Variants in TRPM7 observed in about 807,000 individuals in gnomAD.
TRPM7 encodes the protein transient receptor potential cation channel subfamily M member 7, also known as LTRPC ion channel family member 7.
In TRPM7, 134 loss-of-function variants were observed where a neutral mutation model predicts 229.7. The ratio of observed to expected loss-of-function variants is 0.58; its 90% CI spans 0.51 to 0.67. The LOEUF is 0.67. TRPM7 is among the 30% of genes least tolerant of loss of function. The pLI, the probability that TRPM7 is intolerant of heterozygous loss-of-function variation, is 0.00. For missense variants in TRPM7, 1,901 were observed against 2,210.0 expected, an observed-to-expected ratio of 0.86 and a Z score of 2.80; for synonymous variants, 699 against 715.2, an observed-to-expected ratio of 0.98 and a Z score of 0.36.
chr15:50,644,535 G>C (rs1353031194), intron 4 of TRPM7, among the ~76,000 whole-genome samples: 1 of 152,190 alleles, frequency 6.6e-6, no homozygotes, highest in Admixed American at 6.5e-5. Context: ...AGGCACAGTG[G>C]CTCACGCCTG....
In TRPM7 at chr15:50,561,548, G is replaced by A; in HGVS notation, c.*130C>T. On this transcript the variant is annotated 3_prime_UTR_variant, in exon 39 of 39. Coordinates refer to ENST00000646667, the MANE Select transcript of TRPM7 (RefSeq NM_017672.6). ...TCAAAAGAATATTGACCTTTTAACT[G>A]TGCTGGAGTCAGCAAATTCAACTTG... 1 of 998,572 alleles carries A rather than the reference G, an allele frequency of 1.0e-6. No individual in the cohort carries two copies. The highest frequency in any genetic ancestry group is 1.5e-6 in the Non-Finnish European group (1 of 673,694). The allele number at this position is 998,572 out of a possible 1,614,324, so 61.9% of individuals were successfully genotyped here.
chr15:50,627,543 T>C (rs1460088910), intron 11 of TRPM7, among the ~76,000 whole-genome samples: 1 of 152,206 alleles, frequency 6.6e-6, no homozygotes, highest in African/African-American at 2.4e-5. Flanking sequence ...TAGTAGCATG[T>C]AAGGCTCTGG....
intron 27 of TRPM7, among the ~76,000 whole-genome samples, chr15:50,587,143 G>A (rs2059364544): frequency 6.6e-6 from 1 of 152,152 alleles, no homozygotes; most frequent in African/African-American, 2.4e-5. Context: ...TATCTTACAT[G>A]TATCTTGACA....
In TRPM7 at chr15:50,655,120, GA is replaced by G. The variant is rs566929042; in HGVS notation, c.122+2660del. On this transcript the variant is annotated intron_variant, in intron 3 of 38. Coordinates refer to ENST00000646667, the MANE Select transcript of TRPM7 (RefSeq NM_017672.6). ...GAAATTATTCAATACATCAGATAAA[GA>G]AAAAAAAGTTAATTAAAAAAAAAAA... Among the ~76,000 whole-genome samples, 103 of 128,568 alleles carry G rather than the reference GA, an allele frequency of 8.0e-4. 1 individual carries two copies. The highest frequency in any genetic ancestry group is 2.5e-3 in the African/African-American group (89 of 35,562). 84.3% of individuals were successfully genotyped at this position (128,568 alleles called of 152,430 possible). A position where few individuals can be genotyped will look rare whatever the true frequency, so the allele number is the denominator to read the frequency against.
chr15:50,619,640 AT>A, intron 13 of TRPM7, 104 bp downstream of exon 13: 2 of 975,202 alleles, frequency 2.1e-6, no homozygotes, highest in Non-Finnish European at 3.0e-6. Context: ...CTGTAATTTT[AT>A]TGGTATTTCT....
intron 3 of TRPM7, among the ~76,000 whole-genome samples, chr15:50,655,951 C>A (rs1268377075): frequency 6.6e-6 from 1 of 151,036 alleles, no homozygotes; most frequent in African/African-American, 2.4e-5. Flanking sequence ...GATCGCACCA[C>A]TGTATGCCAT....
chr15:50,641,107 G>A (rs1000080903), intron 5 of TRPM7, among the ~76,000 whole-genome samples: 2 of 152,030 alleles, frequency 1.3e-5, no homozygotes, highest in African/African-American at 4.8e-5. Context: ...TCTTTCAACT[G>A]CTGCCTTGCC....
At chr15:50,684,612 C>A (rs1433604864) in intron 1 of TRPM7, among the ~76,000 whole-genome samples, 1 of 151,786 alleles carries the variant, frequency 6.6e-6, no homozygotes, top group Non-Finnish European at 1.5e-5. Flanking sequence ...CTGCACTCAG[C>A]CTGGGCAACA....
Position 50,593,476 on chromosome 15 carries a change from C to T in TRPM7, c.3608+141G>A, listed in dbSNP as rs1344594462. ...TATATGAAGTATTAATAGAACTGAACGATCTTTCCAATACATCATGTAAAA... is the reference window on the plus strand; with the variant it reads ...TATATGAAGTATTAATAGAACTGAATGATCTTTCCAATACATCATGTAAAA... On this transcript the variant is annotated intron_variant, in intron 25 of 38. Transcript: ENST00000646667. 7 of 884,630 alleles carry T rather than the reference C, an allele frequency of 7.9e-6. No individual in the cohort carries two copies. The East Asian group carries it at 1.1e-4, about 14-fold the overall frequency. 54.8% of individuals were successfully genotyped at this position (884,630 alleles called of 1,614,324 possible).
chr15:50,646,653 G>A (rs2061273471), intron 4 of TRPM7, among the ~76,000 whole-genome samples: 1 of 152,130 alleles, frequency 6.6e-6, no homozygotes, highest in Admixed American at 6.6e-5. Context: ...AATTCATGCT[G>A]ACAAGAGCAC....
chr15:50,648,550 A>G (rs1432234488), intron 4 of TRPM7, 137 bp downstream of exon 4: 5 of 605,026 alleles, frequency 8.3e-6, no homozygotes, highest in Non-Finnish European at 1.3e-5. Context: ...ACAATTCTAT[A>G]TTTGTATGCA....
At chr15:50,635,022 T>C (rs1043019621) in intron 7 of TRPM7, among the ~76,000 whole-genome samples, 11 of 152,058 alleles carry the variant, frequency 7.2e-5, no homozygotes, top group African/African-American at 2.7e-4. Context: ...AAAATAGAAA[T>C]TAATGACAGT....
chr15:50,650,305 C>T (rs55996689), intron 3 of TRPM7, among the ~76,000 whole-genome samples: 1 of 150,910 alleles, frequency 6.6e-6, no homozygotes, highest in South Asian at 2.1e-4. Flanking sequence ...GCAGGGAACA[C>T]TTTATGTTCC....
At chr15:50,660,105 T>C (rs1338453718) in intron 2 of TRPM7, among the ~76,000 whole-genome samples, 3 of 152,200 alleles carry the variant, frequency 2.0e-5, no homozygotes, top group African/African-American at 7.2e-5. Context: ...ACTTGGGAAA[T>C]GTCATTTATC....
intron 13 of TRPM7, among the ~76,000 whole-genome samples, chr15:50,615,217 A>G (rs558836317): frequency 4.2e-4 from 64 of 151,498 alleles, no homozygotes; most frequent in African/African-American, 1.4e-3. Flanking sequence ...TAATCAGCCA[A>G]ATATTCCATT....
intron 1 of TRPM7, 87 bp from the exon 2 acceptor site, chr15:50,663,133 CT>C (rs370350578): frequency 0.1 from 73,876 of 730,842 alleles, 101 homozygotes; most frequent in South Asian, 0.14. Flanking sequence ...ATAAACAGTT[CT>C]TTTTTTTTTT....
chr15:50,571,670 A>G (rs1464452146), intron 36 of TRPM7, among the ~76,000 whole-genome samples: 2 of 152,212 alleles, frequency 1.3e-5, no homozygotes, highest in Admixed American at 1.3e-4. Context: ...CCGTTTGTGT[A>G]TATGTCTTCA....
At position 50,637,475 on chromosome 15, in the gene TRPM7, A is replaced by AC; in HGVS notation, c.778dup (p.Val260GlyfsTer8). The AC allele has an allele frequency of 6.2e-7, 1 of 1,613,854 alleles. No individual in the cohort carries two copies. Among genetic ancestry groups the AC allele is most frequent in the Non-Finnish European group, 8.5e-7 (1 of 1,179,940 alleles). ...TTTTTCAAGTTCTCTTCTCAGTCTGACTTCCGCCCCATACTTTCCAACAGT... is the reference window on the plus strand; with the variant it reads ...TTTTTCAAGTTCTCTTCTCAGTCTGACCTTCCGCCCCATACTTTCCAACAGT... On this transcript the variant is annotated frameshift_variant, in exon 7 of 39. Transcript: ENST00000646667. LOFTEE classifies it high-confidence loss of function.
At chr15:50,628,311 A>AT in intron 10 of TRPM7, 62 bp from the exon 11 acceptor site, 1 of 1,237,106 alleles carries the variant, frequency 8.1e-7, no homozygotes, top group Non-Finnish European at 1.2e-6. Flanking sequence ...AAAGGTGAAC[A>AT]CTTTTTTTTT....
Sources: allele counts gnomAD v4.1 joint callset (sites outside exome capture counted in the v4.1 genomes callset), GRCh38; gene constraint gnomAD v4.1.1; transcripts MANE v1.5; gene names NCBI Gene and HGNC (gene_info 2026-07-23, HGNC 2026-07-21).